Variants in CACNB2 observed in about 807,000 individuals in gnomAD.
The protein encoded by CACNB2 is calcium voltage-gated channel auxiliary subunit beta 2.
A neutral mutation model predicts 73.3 loss-of-function variants in CACNB2; 42 were observed. That is an observed-to-expected ratio of 0.57 (90% CI 0.45 to 0.74). CACNB2 has a LOEUF of 0.74. CACNB2 is among the 30% of genes least tolerant of loss of function. The pLI, the probability that CACNB2 is intolerant of heterozygous loss-of-function variation, is 0.00. For synonymous variants in CACNB2, 348 were observed against 310.3 expected, an observed-to-expected ratio of 1.12 and a Z score of -1.28; for missense variants, 940 against 853.0, an observed-to-expected ratio of 1.10 and a Z score of -1.27.
chr10:18,534,685 AGTAAAGTTTATTAC>A (rs2053390688), intron 11 of CACNB2, among the ~76,000 whole-genome samples: 1 of 152,240 alleles, frequency 6.6e-6, no homozygotes, highest in African/African-American at 2.4e-5. Flanking sequence ...CTTATAAAGT[AGTAAAGTTTATTAC>A]TTTTATTAAA....
intron 2 of CACNB2, among the ~76,000 whole-genome samples, chr10:18,321,252 G>A (rs929313842): frequency 6.6e-6 from 1 of 152,128 alleles, no homozygotes. Context: ...CCAACTGATG[G>A]CATTTATTGA....
intron 2 of CACNB2, among the ~76,000 whole-genome samples, chr10:18,368,914 A>G (rs1249784972): frequency 6.6e-6 from 1 of 152,180 alleles, no homozygotes; most frequent in Non-Finnish European, 1.5e-5. Context: ...AAGAGAGAGA[A>G]CCAGTCTGCA....
chr10:18,496,353 C>A (rs1291028553), intron 3 of CACNB2, among the ~76,000 whole-genome samples: 2 of 152,034 alleles, frequency 1.3e-5, no homozygotes, highest in Non-Finnish European at 2.9e-5. Flanking sequence ...CAGTCTTAAC[C>A]CAGACAAGAG....
intron 8 of CACNB2, 26 bp from the exon 9 acceptor site, chr10:18,518,884 T>C (rs2051547455): frequency 1.2e-6 from 2 of 1,607,372 alleles, no homozygotes; most frequent in Non-Finnish European, 1.7e-6. Context: ...TGGTCATATC[T>C]TAATTTATTG....
At chr10:18,534,376 A>G (rs766403008) in intron 11 of CACNB2, 149 bp downstream of exon 11, 4 of 746,460 alleles carry the variant, frequency 5.4e-6, no homozygotes, top group South Asian at 1.6e-5. Context: ...TTAAATTGAT[A>G]TAGTTTCATG....
intron 2 of CACNB2, among the ~76,000 whole-genome samples, chr10:18,213,450 C>T (rs1336341515): frequency 1.3e-5 from 2 of 152,146 alleles, no homozygotes; most frequent in Non-Finnish European, 2.9e-5. Context: ...TCTCTTTGCT[C>T]TTTGAAAGAT....
intron 2 of CACNB2, among the ~76,000 whole-genome samples, chr10:18,315,787 G>T (rs1434502890): frequency 6.6e-6 from 1 of 152,144 alleles, no homozygotes; most frequent in Non-Finnish European, 1.5e-5. Flanking sequence ...AATAAGTTCT[G>T]ATGTGTAGCG....
intron 3 of CACNB2, among the ~76,000 whole-genome samples, chr10:18,485,716 C>T (rs1429793138): frequency 5.9e-5 from 9 of 151,922 alleles, no homozygotes; most frequent in African/African-American, 2.2e-4. Context: ...CACCCACCAC[C>T]ATGCTTGGCT....
chr10:18,150,855 C>CTTTTTTGTTTTTTTTTTT, intron 1 of CACNB2, 28 bp from the exon 2 acceptor site: 1 of 483,392 alleles, frequency 2.1e-6, no homozygotes, highest in Non-Finnish European at 3.1e-6. Flanking sequence ...TCTTATTTGT[C>CTTTTTTGTTTTTTTTTTT]TTTTTTTTTT....
At chr10:18,406,062 T>C (rs2132574477) in intron 3 of CACNB2, among the ~76,000 whole-genome samples, 1 of 152,294 alleles carries the variant, frequency 6.6e-6, no homozygotes, top group Non-Finnish European at 1.5e-5. Context: ...ATCGAATATC[T>C]ACTATATTAA....
chr10:18,532,256 A>G (rs10828851), intron 10 of CACNB2, among the ~76,000 whole-genome samples: 57,929 of 152,072 alleles, frequency 0.38, 11,464 homozygotes, highest in East Asian at 0.71. Context: ...TAAAGTATGT[A>G]TGTAAGGCTA....
intron 2 of CACNB2, among the ~76,000 whole-genome samples, chr10:18,342,914 T>C (rs2041291875): frequency 6.6e-6 from 1 of 152,166 alleles, no homozygotes; most frequent in African/African-American, 2.4e-5. Flanking sequence ...TGTGTGGTCT[T>C]TATTTTTGTT....
rs2037375215 is a variant in CACNB2, at chr10:18,258,425, G to T, written c.213+107450G>T. ...AAATGTGGTGATAGAGGTGATGAAG[G>T]GGCCTTAAGAAAAAACTTGAGGCCG... On this transcript the variant is annotated intron_variant, in intron 2 of 13. Coordinates refer to ENST00000324631, the MANE Select transcript of CACNB2 (RefSeq NM_201596.3). 2.6e-5 allele frequency among the ~76,000 whole-genome samples: 4 copies of T among 151,930 alleles called. No individual in the cohort carries two copies. The South Asian group carries it at 8.3e-4, about 32-fold the overall frequency.
At chr10:18,496,684 G>T (rs541449536) in intron 3 of CACNB2, among the ~76,000 whole-genome samples, 1 of 149,516 alleles carries the variant, frequency 6.7e-6, no homozygotes, top group South Asian at 2.1e-4. Flanking sequence ...CGTGGTGGCG[G>T]GTGCCTGTAA....
intron 4 of CACNB2, among the ~76,000 whole-genome samples, 166 bp from the exon 5 acceptor site, chr10:18,500,646 G>A (rs2050143284): frequency 6.6e-6 from 1 of 152,172 alleles, no homozygotes; most frequent in Admixed American, 6.5e-5. Context: ...GACGCTAAAT[G>A]CATTTCTTAC....
intron 2 of CACNB2, among the ~76,000 whole-genome samples, chr10:18,199,824 A>C (rs1037986380): frequency 1.3e-5 from 2 of 152,096 alleles, no homozygotes; most frequent in African/African-American, 2.4e-5. Context: ...GTTCAGGCGA[A>C]GTGTGATGGT....
At chr10:18,509,980 A>G (rs1483493111) in intron 6 of CACNB2, among the ~76,000 whole-genome samples, 3 of 152,248 alleles carry the variant, frequency 2.0e-5, no homozygotes, top group African/African-American at 7.2e-5. Context: ...AACATTTCTC[A>G]TTAAAAGGAG....
intron 2 of CACNB2, among the ~76,000 whole-genome samples, chr10:18,394,838 T>C (rs1181950129): frequency 6.6e-6 from 1 of 152,236 alleles, no homozygotes; most frequent in Non-Finnish European, 1.5e-5. Context: ...GAGTATAATA[T>C]AAAACAATCT....
intron 2 of CACNB2, among the ~76,000 whole-genome samples, chr10:18,203,811 C>CCGTAGTTCT (rs1564341115): frequency 1.3e-5 from 2 of 152,078 alleles, no homozygotes; most frequent in African/African-American, 4.8e-5. Context: ...AAATAAAGAA[C>CCGTAGTTCT]CGTAGTTCTT....
Sources: allele counts gnomAD v4.1 joint callset (sites outside exome capture counted in the v4.1 genomes callset), GRCh38; gene constraint gnomAD v4.1.1; transcripts MANE v1.5; gene names NCBI Gene and HGNC (gene_info 2026-07-23, HGNC 2026-07-21).